The following REDIC1 variants were observed in gnomAD, a reference collection of about 807,000 sequenced individuals.
The protein encoded by REDIC1 is regulator of DNA class I crossover intermediates 1.
chr12:39,893,112 A>G, the REDIC1 span, among the ~76,000 whole-genome samples: 1 of 152,232 alleles, frequency 6.6e-6, no homozygotes, highest in Non-Finnish European at 1.5e-5. Context: ...ATCCACAAGT[A>G]TTAAATGAAA....
chr12:39,903,926 T>C, the REDIC1 span, among the ~76,000 whole-genome samples: 5 of 152,084 alleles, frequency 3.3e-5, no homozygotes, highest in African/African-American at 7.2e-5. Context: ...TGGAGTCTCA[T>C]ATTTGGACTA....
chr12:39,907,622 C>T, the REDIC1 span: 1 of 152,082 alleles, frequency 6.6e-6, no homozygotes, highest in Non-Finnish European at 1.5e-5. Context: ...ATTACAATTC[C>T]TCTACCCATA....
the REDIC1 span, among the ~76,000 whole-genome samples, chr12:39,797,742 A>ATACG: frequency 0.29 from 35,457 of 122,238 alleles, 4,427 homozygotes; most frequent in South Asian, 0.39. Flanking sequence ...ACACACACAC[A>ATACG]CACACACACA....
the REDIC1 span, chr12:39,755,705 C>T: frequency 6.6e-6 from 1 of 152,018 alleles, no homozygotes; most frequent in East Asian, 1.9e-4. Flanking sequence ...ATGAACTTAA[C>T]TGTCTAAAAT....
the REDIC1 span, among the ~76,000 whole-genome samples, chr12:39,649,571 T>C: frequency 2.0e-5 from 3 of 151,660 alleles, no homozygotes; most frequent in Middle Eastern, 0.01. Flanking sequence ...TGTCTCTTTT[T>C]GACTCTCCTT....
the REDIC1 span, among the ~76,000 whole-genome samples, chr12:39,801,698 G>T: frequency 6.6e-6 from 1 of 152,116 alleles, no homozygotes; most frequent in African/African-American, 2.4e-5. Context: ...CTGAATTTTA[G>T]CAAATTATTT....
the REDIC1 span, among the ~76,000 whole-genome samples, chr12:39,726,883 C>G: frequency 3.9e-5 from 6 of 152,090 alleles, no homozygotes; most frequent in South Asian, 2.1e-4. Flanking sequence ...GTATCTCATT[C>G]TGGTTTTGAT....
chr12:39,646,939 T>C, the REDIC1 span: 4 of 1,199,456 alleles, frequency 3.3e-6, no homozygotes, highest in Admixed American at 4.3e-5. Flanking sequence ...TGTGATATGC[T>C]ACCTAATGAT....
chr12:39,711,652 T>C, the REDIC1 span, among the ~76,000 whole-genome samples: 6 of 137,420 alleles, frequency 4.4e-5, no homozygotes, highest in East Asian at 6.7e-4. Context: ...TATACACATG[T>C]ATGTATGTCT....
chr12:39,716,661 A>C, the REDIC1 span: 1 of 857,152 alleles, frequency 1.2e-6, no homozygotes, highest in Non-Finnish European at 1.8e-6. Context: ...TTGTTAGCTA[A>C]ATTTGTTTTA....
chr12:39,705,287 C>T, the REDIC1 span, among the ~76,000 whole-genome samples: 2 of 151,880 alleles, frequency 1.3e-5, no homozygotes, highest in East Asian at 3.9e-4. Context: ...CCTGAACAGT[C>T]CAATAACGAG....
chr12:39,733,237 A>G, the REDIC1 span, among the ~76,000 whole-genome samples: 1 of 152,204 alleles, frequency 6.6e-6, no homozygotes, highest in Non-Finnish European at 1.5e-5. Flanking sequence ...ATGCTTATGG[A>G]ATAAAATGTT....
chr12:39,716,684 T>G, the REDIC1 span: 2 of 1,111,318 alleles, frequency 1.8e-6, no homozygotes, highest in South Asian at 3.0e-5. Flanking sequence ...AGCAGATATC[T>G]TCTGCCTGGC....
the REDIC1 span, among the ~76,000 whole-genome samples, chr12:39,694,207 T>C: frequency 1.3e-5 from 2 of 152,298 alleles, no homozygotes; most frequent in East Asian, 3.9e-4. Flanking sequence ...ACAAGATGGC[T>C]GAATAGAAGA....
the REDIC1 span, among the ~76,000 whole-genome samples, chr12:39,883,277 T>C: frequency 1.3e-5 from 2 of 152,180 alleles, no homozygotes; most frequent in Admixed American, 6.6e-5. Flanking sequence ...TTAGTTTTTC[T>C]GAATACGCCT....
At chr12:39,647,802 T>G in the REDIC1 span, 7 of 1,561,464 alleles carry the variant, frequency 4.5e-6, no homozygotes, top group Non-Finnish European at 6.1e-6. Context: ...TCACAAGGCA[T>G]GGACTCATAT....
chr12:39,704,500 A>G, the REDIC1 span, among the ~76,000 whole-genome samples: 5 of 152,178 alleles, frequency 3.3e-5, no homozygotes, highest in Admixed American at 2.6e-4. Context: ...CAACCATTGT[A>G]GAAGGCAGTG....
chr12:39,843,455 G>T, the REDIC1 span, among the ~76,000 whole-genome samples: 2 of 151,932 alleles, frequency 1.3e-5, no homozygotes, highest in Admixed American at 6.6e-5. Context: ...GGGAATCTTG[G>T]CCCCAAATAA....
At chr12:39,750,912 C>G in the REDIC1 span, among the ~76,000 whole-genome samples, 13 of 152,208 alleles carry the variant, frequency 8.5e-5, no homozygotes. Flanking sequence ...AAAATTAATT[C>G]AAGATGGATT....
Sources: allele counts gnomAD v4.1 joint callset (sites outside exome capture counted in the v4.1 genomes callset), GRCh38; gene constraint gnomAD v4.1.1; transcripts MANE v1.5; gene names NCBI Gene and HGNC (gene_info 2026-07-23, HGNC 2026-07-21).